Variants in MBD5 observed in about 807,000 individuals in gnomAD.
The protein encoded by MBD5 is methyl-CpG binding domain protein 5.
A neutral mutation model predicts 117.3 loss-of-function variants in MBD5; 13 were observed. The observed-to-expected ratio is 0.11, with a 90% CI of 0.07 to 0.18. MBD5 has a LOEUF of 0.18. MBD5 is among the 10% of genes least tolerant of loss of function. MBD5 has a pLI of 1.00. For missense variants in MBD5, 1,879 were observed against 2,093.8 expected (o/e 0.90, Z 2.00); for synonymous variants, 727 against 766.4 (o/e 0.95, Z 0.85).
chr2:148,474,617 A>G (rs1283108057), intron 8 of MBD5, among the ~76,000 whole-genome samples: 11 of 152,140 alleles, frequency 7.2e-5, no homozygotes, highest in African/African-American at 2.7e-4. Flanking sequence ...TTTGTGCCAG[A>G]AGAGAAAATA....
chr2:148,380,863 CT>C (rs1704121034), intron 4 of MBD5, among the ~76,000 whole-genome samples: 1 of 152,192 alleles, frequency 6.6e-6, no homozygotes, highest in South Asian at 2.1e-4. Flanking sequence ...CAAACAGGGT[CT>C]GGAGTGGACC....
intron 1 of MBD5, 78 bp downstream of exon 1, chr2:148,021,762 C>T: frequency 4.1e-6 from 1 of 245,168 alleles, no homozygotes; most frequent in Non-Finnish European, 8.4e-6. Context: ...CACCAAACCA[C>T]ATACGCAGTG....
intron 2 of MBD5, among the ~76,000 whole-genome samples, chr2:148,183,792 T>C (rs1698585122): frequency 1.3e-5 from 2 of 152,200 alleles, no homozygotes; most frequent in Admixed American, 1.3e-4. Context: ...AAAAACTGTC[T>C]TCTGAGGTCT....
chr2:148,480,947 T>G (rs561659774), intron 8 of MBD5, among the ~76,000 whole-genome samples: 2 of 152,258 alleles, frequency 1.3e-5, no homozygotes, highest in East Asian at 3.9e-4. Context: ...GTAAAGTGTG[T>G]TGGATGTGCA....
At chr2:148,252,201 G>A (rs985732890) in intron 3 of MBD5, among the ~76,000 whole-genome samples, 5 of 152,096 alleles carry the variant, frequency 3.3e-5, no homozygotes, top group African/African-American at 1.2e-4. Context: ...GGTGACTCAC[G>A]CCTGTAATCC....
At chr2:148,169,900 C>CT (rs11284103) in intron 1 of MBD5, among the ~76,000 whole-genome samples, 12 of 132,098 alleles carry the variant, frequency 9.1e-5, no homozygotes, top group African/African-American at 2.5e-4. Flanking sequence ...AGGGATTCTT[C>CT]TTTTTTTTTT....
At chr2:148,450,682 A>G (rs1267000955) in intron 4 of MBD5, among the ~76,000 whole-genome samples, 1 of 152,190 alleles carries the variant, frequency 6.6e-6, no homozygotes, top group Non-Finnish European at 1.5e-5. Flanking sequence ...CTTGAACAGT[A>G]TCATATGCAT....
chr2:148,324,150 T>A (rs1271645951), intron 3 of MBD5, among the ~76,000 whole-genome samples: 1 of 152,124 alleles, frequency 6.6e-6, no homozygotes, highest in Non-Finnish European at 1.5e-5. Flanking sequence ...ATCAGGTAGT[T>A]GTAGATATGT....
At chr2:148,234,088 A>G (rs944963255) in intron 3 of MBD5, among the ~76,000 whole-genome samples, 2 of 152,152 alleles carry the variant, frequency 1.3e-5, no homozygotes, top group Non-Finnish European at 2.9e-5. Flanking sequence ...GAAATTGACC[A>G]TATATATTTT....
At chr2:148,039,128 A>G (rs1191942604) in intron 1 of MBD5, among the ~76,000 whole-genome samples, 1 of 152,152 alleles carries the variant, frequency 6.6e-6, no homozygotes, top group African/African-American at 2.4e-5. Flanking sequence ...TCTCAAAAAT[A>G]GAGATAATCT....
chr2:148,330,591 G>C (rs986720468), intron 3 of MBD5: 1 of 152,174 alleles, frequency 6.6e-6, no homozygotes, highest in African/African-American at 2.4e-5. Flanking sequence ...GAAAAGAGAC[G>C]TGGTTTCAGG....
intron 3 of MBD5, among the ~76,000 whole-genome samples, chr2:148,254,219 C>T (rs1246162015): frequency 1.3e-5 from 2 of 152,186 alleles, no homozygotes; most frequent in Non-Finnish European, 2.9e-5. Context: ...ATGACCCACT[C>T]GCAGGGCTGC....
At chr2:148,220,022 A>G (rs924718799) in intron 2 of MBD5, 5 of 152,152 alleles carry the variant, frequency 3.3e-5, no homozygotes, top group African/African-American at 1.2e-4. Context: ...TGGATAGATG[A>G]ATAATAAATA....
At chr2:148,404,940 A>T (rs1705031402) in intron 4 of MBD5, among the ~76,000 whole-genome samples, 1 of 152,166 alleles carries the variant, frequency 6.6e-6, no homozygotes. Context: ...TGTTCATCCA[A>T]GTAAAAGTCT....
chr2:148,104,032 G>A (rs1333673338), intron 1 of MBD5, among the ~76,000 whole-genome samples: 1 of 151,992 alleles, frequency 6.6e-6, no homozygotes, highest in Non-Finnish European at 1.5e-5. Context: ...CCTTTCCCCT[G>A]ACTAACTCTA....
intron 1 of MBD5, among the ~76,000 whole-genome samples, chr2:148,128,272 G>A (rs1696950554): frequency 6.6e-6 from 1 of 152,094 alleles, no homozygotes. Flanking sequence ...ACACAGTGCT[G>A]TTAACTCCCT....
rs749458641 is a variant in MBD5, at chr2:148,512,972, A to C, written c.*31A>C. On this transcript the variant is annotated 3_prime_UTR_variant, in exon 14 of 14. Coordinates refer to ENST00000642680, the MANE Select transcript of MBD5 (RefSeq NM_001378120.1). ...ACTACTCCACTAATGCGCAGTGTTT[A>C]TTAAAGGAACATGCACAGATGTATC... 1.1e-5 allele frequency: 18 copies of C among 1,581,742 alleles called. No individual in the cohort carries two copies. The African/African-American group carries it at 2.2e-4, about 19-fold the overall frequency.
At chr2:148,108,304 T>G (rs1035412195) in intron 1 of MBD5, among the ~76,000 whole-genome samples, 3 of 152,198 alleles carry the variant, frequency 2.0e-5, no homozygotes, top group Admixed American at 1.3e-4. Flanking sequence ...TGTGCTTCAC[T>G]GTCTTGACCT....
At chr2:148,102,731 G>C (rs2442764) in intron 1 of MBD5, among the ~76,000 whole-genome samples, 400 of 32,094 alleles carry the variant, frequency 0.012, 1 homozygote, top group African/African-American at 0.022. Context: ...CACACACACA[G>C]AGAGAGAGAG....
Sources: gnomAD v4.1 joint callset for allele counts (sites outside exome capture counted in the v4.1 genomes callset) on GRCh38, gnomAD v4.1.1 for gene constraint, MANE v1.5 for transcripts, NCBI Gene and HGNC (gene_info 2026-07-23, HGNC 2026-07-21) for gene names.